The following MIGA2 variants were observed in gnomAD, a reference collection of about 807,000 sequenced individuals.
MIGA2 encodes the protein family with sequence similarity 73, member B.
In MIGA2, 36 loss-of-function variants were observed where a neutral mutation model predicts 69.9. The observed-to-expected ratio is 0.52, with a 90% CI of 0.39 to 0.68. The LOEUF is 0.68. MIGA2 is among the 30% of genes least tolerant of loss of function. MIGA2 has a pLI of 0.00. For missense variants in MIGA2, 660 were observed against 787.7 expected (o/e 0.84, Z 1.94); for synonymous variants, 333 against 349.2 (o/e 0.95, Z 0.52).
intron 3 of MIGA2, among the ~76,000 whole-genome samples, chr9:129,045,500 T>A (rs1040115853): frequency 6.8e-6 from 1 of 146,864 alleles, no homozygotes; most frequent in Non-Finnish European, 1.5e-5. Context: ...GGCTCACACC[T>A]GTAATCCCAG....
chr9:129,058,808 A>G (rs1845922858), intron 6 of MIGA2, among the ~76,000 whole-genome samples: 1 of 152,160 alleles, frequency 6.6e-6, no homozygotes, highest in Admixed American at 6.5e-5. Context: ...ACCTAAGTCC[A>G]CAGTTTTCAA....
Position 129,068,212 on chromosome 9 carries a change from C to G in MIGA2, c.1284C>G (p.Ser428Arg), listed in dbSNP as rs1445708843. ...ELEGRGVVCM[S>R]FFDIVLDFIL... Reference sequence around the variant, plus strand: ...ACCCTCTGTAGGTGGTATGCATGAGCTTCTTCGACATCGTGCTGGACTTCA... The same window carrying G: ...ACCCTCTGTAGGTGGTATGCATGAGGTTCTTCGACATCGTGCTGGACTTCA... The change falls in exon 13 of 16, where the codon AGC (serine) becomes AGG (arginine). Residue 428 changes from serine (S) to arginine (R), a missense_variant. This residue lies in a region of MIGA2 where 220 missense variants were observed against 301.7 expected (regional missense o/e 0.73). Coordinates refer to ENST00000684074, the MANE Select transcript of MIGA2 (RefSeq NM_001329990.2). This position sits in a 1 kb window ranked among gnomAD's most constrained non-coding sequence, Gnocchi z 4.1. 1 of 1,613,868 alleles carries G rather than the reference C, an allele frequency of 6.2e-7. No individual in the cohort carries two copies. Among genetic ancestry groups the G allele is most frequent in the East Asian group, 2.2e-5 (1 of 44,886 alleles).
Position 129,048,445 on chromosome 9 carries a change from T to G in MIGA2, c.326T>G (p.Val109Gly). 6.2e-7 allele frequency: 1 copy of G among 1,613,672 alleles called. No individual in the cohort carries two copies. Among genetic ancestry groups the G allele is most frequent in the Non-Finnish European group, 8.5e-7 (1 of 1,179,840 alleles). Residue 109 changes from valine (V) to glycine (G), a missense_variant, in exon 4 of 16, where the codon GTC becomes GGC. Coordinates refer to ENST00000684074, the MANE Select transcript of MIGA2 (RefSeq NM_001329990.2). ...SVKKGYSSRR[V>G]QSPSSKSNDT... ...CTCACAGGATACTCCAGCCGGAGAG[T>G]CCAGAGCCCCAGCAGCAAGAGCAAC... is the stretch of plus-strand genomic sequence containing the variant.
At chr9:129,052,777 A>T (rs1041729054) in intron 6 of MIGA2, among the ~76,000 whole-genome samples, 2 of 152,154 alleles carry the variant, frequency 1.3e-5, no homozygotes, top group Non-Finnish European at 1.5e-5. Flanking sequence ...GAAGGTGTCC[A>T]TGCTCTCTGT....
chr9:129,067,690 C>A, intron 11 of MIGA2, 83 bp from the exon 12 acceptor site: 2 of 1,314,388 alleles, frequency 1.5e-6, no homozygotes, highest in Non-Finnish European at 2.1e-6. Context: ...CCAGCCGTGC[C>A]TTGGCATGTC....
chr9:129,067,959 T>A, intron 12 of MIGA2, 88 bp downstream of exon 12: 6 of 1,449,290 alleles, frequency 4.1e-6, no homozygotes, highest in Non-Finnish European at 5.7e-6. Flanking sequence ...CTAGCTCAGT[T>A]CCAAGCGGCT....
intron 6 of MIGA2, among the ~76,000 whole-genome samples, chr9:129,055,104 G>A (rs1232254614): frequency 6.8e-6 from 1 of 147,262 alleles, no homozygotes; most frequent in Non-Finnish European, 1.5e-5. Context: ...TTGAGATGGA[G>A]TCTCGCTCTG....
chr9:129,058,894 C>T (rs1237987952), intron 6 of MIGA2, among the ~76,000 whole-genome samples: 1 of 152,170 alleles, frequency 6.6e-6, no homozygotes, highest in African/African-American at 2.4e-5. Flanking sequence ...GAAAAGATTC[C>T]TGAGACAGTC....
chr9:129,057,636 G>A (rs559800243), intron 6 of MIGA2, among the ~76,000 whole-genome samples: 2 of 151,396 alleles, frequency 1.3e-5, no homozygotes, highest in South Asian at 2.1e-4. Flanking sequence ...ACAGAGTCTC[G>A]CTCTGTCACC....
chr9:129,037,153 G>A (rs1844634608), intron 1 of MIGA2: 2 of 711,266 alleles, frequency 2.8e-6, no homozygotes, highest in African/African-American at 1.9e-5. Flanking sequence ...CCGGCATGGT[G>A]GGACTATTGA....
intron 6 of MIGA2, among the ~76,000 whole-genome samples, chr9:129,057,010 G>A (rs934344743): frequency 6.6e-6 from 1 of 151,764 alleles, no homozygotes; most frequent in Non-Finnish European, 1.5e-5. Context: ...TTCCAGCCTG[G>A]GCAACAGAAC....
chr9:129,062,039 C>CT (rs530280541), intron 9 of MIGA2, among the ~76,000 whole-genome samples: 3,978 of 130,092 alleles, frequency 0.031, 180 homozygotes, highest in African/African-American at 0.093. Flanking sequence ...GAGAACTTGA[C>CT]TTTTTTTTTT....
chr9:129,037,243 T>C, intron 1 of MIGA2, among the ~76,000 whole-genome samples: 1 of 151,912 alleles, frequency 6.6e-6, no homozygotes, highest in East Asian at 1.9e-4. Flanking sequence ...CCAGACGGAA[T>C]GAGTGAGTGC....
intron 6 of MIGA2, among the ~76,000 whole-genome samples, chr9:129,050,570 G>C (rs1845470294): frequency 6.8e-6 from 1 of 147,640 alleles, no homozygotes. Context: ...ATCGTACCCA[G>C]CTGTTTTTTT....
In MIGA2 at chr9:129,069,430, T is replaced by TCATTAAAAA; in HGVS notation, c.1458+301_1458+302insCATTAAAAA. On this transcript the variant is annotated intron_variant, in intron 14 of 15. Transcript: ENST00000684074. The surrounding 1 kb of genome is among the most constrained non-coding windows in gnomAD (Gnocchi z 4.9). ...TGCAGGCGTCTCGGTGGGGGCAGGA[T>TCATTAAAAA]ACCCAGGAGCAAGCAGAGCCCTGTC... 1.9e-6 allele frequency: 1 copy of TCATTAAAAA among 540,046 alleles called. No homozygotes were observed. Among genetic ancestry groups the TCATTAAAAA allele is most frequent in the Non-Finnish European group, 3.3e-6 (1 of 299,790 alleles). 33.5% of individuals were successfully genotyped at this position (540,046 alleles called of 1,614,324 possible).
intron 1 of MIGA2, among the ~76,000 whole-genome samples, chr9:129,038,133 G>T (rs1400003964): frequency 2.6e-5 from 4 of 152,132 alleles, no homozygotes; most frequent in African/African-American, 9.7e-5. Flanking sequence ...TATTAACCTA[G>T]GTCCTGACCA....
chr9:129,062,022 A>T (rs1317214108), intron 9 of MIGA2, among the ~76,000 whole-genome samples: 2 of 150,804 alleles, frequency 1.3e-5, no homozygotes, highest in Admixed American at 6.6e-5. Context: ...TATTATGATA[A>T]GAGACTGAGA....
At chr9:129,045,116 A>G (rs1316663444) in intron 3 of MIGA2, among the ~76,000 whole-genome samples, 1 of 148,194 alleles carries the variant, frequency 6.7e-6, no homozygotes, top group Admixed American at 6.8e-5. Flanking sequence ...GTGCCACTGC[A>G]CTCCAACCTG....
At chr9:129,067,329 G>A (rs558915310) in intron 11 of MIGA2, among the ~76,000 whole-genome samples, 3 of 152,324 alleles carry the variant, frequency 2.0e-5, no homozygotes, top group Admixed American at 1.3e-4. Flanking sequence ...CACTTTAAAC[G>A]CTGTTTGTTG....
Sources: gnomAD v4.1 joint callset for allele counts (sites outside exome capture counted in the v4.1 genomes callset) on GRCh38, gnomAD v4.1.1 for gene constraint, gnomAD v4.1.1 regional missense constraint, Gnocchi (gnomAD v3.1) non-coding constraint, MANE v1.5 for transcripts, NCBI Gene and HGNC (gene_info 2026-07-23, HGNC 2026-07-21) for gene names.